Variants in RBM47 observed in about 807,000 individuals in gnomAD.
The protein encoded by RBM47 is RNA binding motif protein 47, also known as RNA-binding protein 47.
RBM47 carries 21 observed loss-of-function variants against 47.1 expected under a neutral mutation model. The ratio of observed to expected loss-of-function variants is 0.45; its 90% CI spans 0.32 to 0.64. RBM47 has a LOEUF of 0.64. Ranked by LOEUF, RBM47 falls within the 30% of genes least tolerant of loss-of-function variation. RBM47 has a pLI of 0.05. For missense variants in RBM47, 708 were observed against 870.9 expected, an observed-to-expected ratio of 0.81 and a Z score of 2.35; for synonymous variants, 375 against 361.7, an observed-to-expected ratio of 1.04 and a Z score of -0.42.
chr4:40,576,451 T>C (rs1337303064), intron 1 of RBM47, among the ~76,000 whole-genome samples: 1 of 152,126 alleles, frequency 6.6e-6, no homozygotes, highest in East Asian at 1.9e-4. Context: ...AGGTGAAACT[T>C]TCTAACTACT....
In RBM47 at chr4:40,423,660, CTTT is replaced by C. The variant is rs1714645747; in HGVS notation, c.*2241_*2243del. ...TTTTATTCTTTCTTTCTTTTTCTTTCTTTCTTTCTTTCTTTCTTTCTTTCTTTC... is the reference window on the plus strand; with the variant it reads ...TTTTATTCTTTCTTTCTTTTTCTTTCCTTTCTTTCTTTCTTTCTTTCTTTC... On this transcript the variant is annotated 3_prime_UTR_variant, in exon 7 of 7. Transcript: ENST00000295971. The C allele has an allele frequency of 4.0e-5, 1 of 25,000 alleles. No individual in the cohort carries two copies. Among genetic ancestry groups the C allele is most frequent in the Non-Finnish European group, 8.1e-5 (1 of 12,276 alleles). 1.5% of individuals were successfully genotyped at this position (25,000 alleles called of 1,614,324 possible). A position where few individuals can be genotyped will look rare whatever the true frequency, so the allele number is the denominator to read the frequency against.
At chr4:40,624,850 TTTTC>T (rs1226231992) in intron 1 of RBM47, among the ~76,000 whole-genome samples, 5 of 147,816 alleles carry the variant, frequency 3.4e-5, no homozygotes, top group Middle Eastern at 3.5e-3. Flanking sequence ...CCATCTTTTC[TTTTC>T]TTTTTCTTTT....
intron 2 of RBM47, among the ~76,000 whole-genome samples, chr4:40,526,179 A>G (rs888028701): frequency 2.6e-5 from 4 of 152,170 alleles, no homozygotes; most frequent in African/African-American, 9.6e-5. Flanking sequence ...CAAAGCCAAG[A>G]CCAGAACACA....
chr4:40,456,265 G>A (rs578114834), intron 3 of RBM47, among the ~76,000 whole-genome samples: 1 of 152,242 alleles, frequency 6.6e-6, no homozygotes, highest in South Asian at 2.1e-4. Context: ...ACTGAAGCAG[G>A]TTTAAGAGAG....
intron 1 of RBM47, among the ~76,000 whole-genome samples, chr4:40,588,935 T>C (rs1578021750): frequency 1.3e-5 from 2 of 151,736 alleles, no homozygotes; most frequent in African/African-American, 4.8e-5. Context: ...TGATTAGAAA[T>C]TGCTTAAGTT....
At position 40,570,008 on chromosome 4, in the gene RBM47, G is replaced by A. The variant is rs140010175; in HGVS notation, c.-239-25502C>T. Among the ~76,000 whole-genome samples the A allele has an allele frequency of 3.7e-4, 56 of 152,118 alleles. 1 individual carries two copies. Among genetic ancestry groups the A allele is most frequent in the Admixed American group, 1.1e-3 (17 of 15,280 alleles). On this transcript the variant is annotated intron_variant, in intron 1 of 6. Transcript: ENST00000295971. ...ATTACAGGCATGAGCCACTATGTCCGGCCAAAAATATTTTTTGAAAATAAA... is the reference window on the plus strand; with the variant it reads ...ATTACAGGCATGAGCCACTATGTCCAGCCAAAAATATTTTTTGAAAATAAA...
chr4:40,558,036 T>A (rs962882782), intron 1 of RBM47, among the ~76,000 whole-genome samples: 9 of 152,238 alleles, frequency 5.9e-5, no homozygotes, highest in African/African-American at 2.2e-4. Flanking sequence ...AATTACATCG[T>A]CCTGAATTCC....
intron 4 of RBM47, chr4:40,436,862 C>G (rs754051009): frequency 1.5e-6 from 1 of 685,100 alleles, no homozygotes; most frequent in South Asian, 1.5e-5. Flanking sequence ...GGCAAACTTG[C>G]AGGGTGAGTT....
At position 40,436,593 on chromosome 4, in the gene RBM47, G is replaced by A. The variant is rs1171950800; in HGVS notation, c.1178C>T (p.Pro393Leu). 6.2e-7 allele frequency: 1 copy of A among 1,614,018 alleles called. No homozygotes were observed. The highest frequency in any genetic ancestry group is 1.7e-5 in the Admixed American group (1 of 59,994). The change falls in exon 5 of 7, where the codon CCT (proline) becomes CTT (leucine). Residue 393 changes from proline to leucine, a missense_variant. Pro to Leu is a moderately conservative substitution (Grantham distance 98). Transcript: ENST00000295971. ...ATATCCCCCGAGGTAGGAACCCCTAGGCCCTGGGGCTCTGTTGCCAGCTGC... is the reference window on the plus strand; with the variant it reads ...ATATCCCCCGAGGTAGGAACCCCTAAGCCCTGGGGCTCTGTTGCCAGCTGC... ...RGAAGNRAPG[P>L]RGSYLGGYSA...
intron 1 of RBM47, among the ~76,000 whole-genome samples, chr4:40,584,395 T>C (rs1167422627): frequency 2.6e-5 from 4 of 152,174 alleles, no homozygotes; most frequent in East Asian, 3.8e-4. Context: ...CCATTATAAA[T>C]GCAATGGGAG....
intron 1 of RBM47, among the ~76,000 whole-genome samples, chr4:40,588,519 C>G (rs17587454): frequency 0.22 from 33,782 of 152,044 alleles, 3,890 homozygotes; most frequent in Middle Eastern, 0.26. Flanking sequence ...AAATTATGGA[C>G]AGCATAAAAG....
intron 1 of RBM47, among the ~76,000 whole-genome samples, chr4:40,624,367 C>T (rs1260747459): frequency 6.6e-6 from 1 of 152,184 alleles, no homozygotes; most frequent in African/African-American, 2.4e-5. Flanking sequence ...AAATCTGCAT[C>T]TTTACTCTAG....
intron 6 of RBM47, 22 bp downstream of exon 6, chr4:40,432,629 A>C: frequency 6.2e-7 from 1 of 1,610,226 alleles, no homozygotes. Context: ...ACAAATGACA[A>C]TGCCTGCAAT....
At chr4:40,472,404 G>A (rs920085599) in intron 2 of RBM47, among the ~76,000 whole-genome samples, 8 of 151,988 alleles carry the variant, frequency 5.3e-5, no homozygotes, top group Middle Eastern at 6.8e-3. Context: ...GTGAAACCCC[G>A]TCTCTGCTAA....
rs188300356 is a variant in RBM47, at chr4:40,525,666, A to G, written c.-155+18756T>C. ...AGGGGAAAAAAAGGATAAATAGGGGAAAAAATGCAAAAACTGGAGTTTTTT... is the reference window on the plus strand; with the variant it reads ...AGGGGAAAAAAAGGATAAATAGGGGGAAAAATGCAAAAACTGGAGTTTTTT... On this transcript the variant is annotated intron_variant, in intron 2 of 6. Coordinates refer to ENST00000295971, the MANE Select transcript of RBM47 (RefSeq NM_001098634.2). Among the ~76,000 whole-genome samples the G allele has an allele frequency of 7.7e-3, 961 of 124,388 alleles. 25 individuals are homozygous for G. The highest frequency in any genetic ancestry group is 0.063 in the East Asian group (319 of 5,082). The allele number at this position is 124,388 out of a possible 152,430, so 81.6% of individuals were successfully genotyped here.
chr4:40,603,688 G>A (rs916608187), intron 1 of RBM47, among the ~76,000 whole-genome samples: 2 of 151,540 alleles, frequency 1.3e-5, no homozygotes, highest in East Asian at 3.9e-4. Context: ...CTGCAGCCTC[G>A]ACCTCCAGGC....
intron 1 of RBM47, among the ~76,000 whole-genome samples, chr4:40,593,019 G>C (rs1378085090): frequency 1.1e-5 from 1 of 90,694 alleles, no homozygotes; most frequent in Non-Finnish European, 2.0e-5. Flanking sequence ...TTTTTGAGAC[G>C]GAGTCTGGCT....
intron 3 of RBM47, among the ~76,000 whole-genome samples, chr4:40,451,184 C>CA (rs958122281): frequency 0.13 from 6,647 of 50,888 alleles, 345 homozygotes; most frequent in African/African-American, 0.15. Flanking sequence ...CAGTAGCTAC[C>CA]AAAAAAAAAA....
intron 2 of RBM47, among the ~76,000 whole-genome samples, chr4:40,503,952 C>A (rs1282450244): frequency 1.3e-4 from 19 of 151,888 alleles, no homozygotes; most frequent in Admixed American, 3.9e-4. Context: ...GTGGGAGGAT[C>A]TCTTGAATTC....
Sources: gnomAD v4.1 joint callset for allele counts (sites outside exome capture counted in the v4.1 genomes callset) on GRCh38, gnomAD v4.1.1 for gene constraint, MANE v1.5 for transcripts, NCBI Gene and HGNC (gene_info 2026-07-23, HGNC 2026-07-21) for gene names.